NRXN1: variants seen among roughly 807,000 people sequenced by gnomAD.
The protein encoded by NRXN1 is neurexin 1.
A neutral mutation model predicts 150.9 loss-of-function variants in NRXN1; 39 were observed. The observed-to-expected ratio is 0.26, with a 90% CI of 0.20 to 0.34. The LOEUF (loss-of-function observed/expected upper bound fraction) is 0.34. NRXN1 is among the 10% of genes least tolerant of loss of function. The probability of loss-of-function intolerance (pLI) is 1.00; values close to 1 mark genes in which losing one functional copy is unlikely to be tolerated. For synonymous variants in NRXN1, 924 were observed against 757.0 expected, an observed-to-expected ratio of 1.22 and a Z score of -3.62; for missense variants, 1,815 against 1,949.9, an observed-to-expected ratio of 0.93 and a Z score of 1.30.
chr2:50,762,125 AC>A (rs1701872653), intron 5 of NRXN1, among the ~76,000 whole-genome samples: 1 of 6,778 alleles, frequency 1.5e-4, no homozygotes, highest in Non-Finnish European at 3.0e-4. Flanking sequence ...ATGTGTATAC[AC>A]ACACACACAC....
chr2:50,880,036 G>A (rs779770220), intron 5 of NRXN1, among the ~76,000 whole-genome samples: 4 of 151,910 alleles, frequency 2.6e-5, no homozygotes, highest in Admixed American at 6.6e-5. Flanking sequence ...ATGAATTCCA[G>A]GGATGTGCAG....
At chr2:50,578,915 T>A (rs2103618929) in intron 8 of NRXN1, among the ~76,000 whole-genome samples, 1 of 152,254 alleles carries the variant, frequency 6.6e-6, no homozygotes, top group East Asian at 1.9e-4. Flanking sequence ...CCCCTACAAC[T>A]TGCTCTCAAC....
intron 5 of NRXN1, among the ~76,000 whole-genome samples, chr2:50,707,511 T>C (rs1181902348): frequency 6.6e-6 from 1 of 152,184 alleles, no homozygotes; most frequent in African/African-American, 2.4e-5. Context: ...ACTTTCAGCT[T>C]TTTTGTGATA....
intron 5 of NRXN1, chr2:50,624,692 G>A (rs1680689715): frequency 6.6e-6 from 1 of 152,088 alleles, no homozygotes; most frequent in South Asian, 2.1e-4. Context: ...ATTCCCTGGT[G>A]TAGTTAAGCA....
intron 5 of NRXN1, among the ~76,000 whole-genome samples, chr2:50,746,562 C>CAAA (rs770068632): frequency 7.1e-5 from 2 of 28,038 alleles, no homozygotes; most frequent in Non-Finnish European, 2.1e-4. Context: ...TGTCTCAAAA[C>CAAA]AACAACAACA....
At chr2:50,338,665 T>C (rs1263834461) in intron 17 of NRXN1, among the ~76,000 whole-genome samples, 1 of 150,362 alleles carries the variant, frequency 6.7e-6, no homozygotes. Context: ...AAAAACCACA[T>C]ACTTCTTTCA....
Position 50,925,935 on chromosome 2 carries a change from C to A in NRXN1, c.790+3G>T. 6.4e-7 allele frequency: 1 copy of A among 1,572,390 alleles called. No individual in the cohort carries two copies. The highest frequency in any genetic ancestry group is 1.2e-5 in the South Asian group (1 of 85,458). On this transcript the variant is annotated splice_donor_region_variant and intron_variant, in intron 3 of 22. Transcript: ENST00000401669. The stretch of plus-strand genomic sequence containing the variant: ...TTGGAAAAATAAGGTAGAAAGCACC[C>A]ACCTTCCACATTGTTGTCTTCTGAA...
At chr2:50,052,632 T>C (rs1161095969) in intron 21 of NRXN1, among the ~76,000 whole-genome samples, 2 of 152,128 alleles carry the variant, frequency 1.3e-5, no homozygotes, top group South Asian at 2.1e-4. Context: ...AGGCACAAGA[T>C]TGAAATAAGC....
chr2:50,021,996 G>A (rs1277909380), intron 21 of NRXN1, among the ~76,000 whole-genome samples: 4 of 152,138 alleles, frequency 2.6e-5, no homozygotes, highest in African/African-American at 9.7e-5. Flanking sequence ...GACTACAGGT[G>A]TGTGCCACCA....
chr2:50,660,211 C>A (rs1325965162), intron 5 of NRXN1, among the ~76,000 whole-genome samples: 1 of 151,910 alleles, frequency 6.6e-6, no homozygotes, highest in African/African-American at 2.4e-5. Flanking sequence ...TTTCAACATC[C>A]CCATTTCACA....
chr2:50,364,976 G>C (rs951015073), intron 17 of NRXN1, among the ~76,000 whole-genome samples: 16 of 151,882 alleles, frequency 1.1e-4, no homozygotes, highest in East Asian at 3.9e-4. Context: ...ATGAAAAAAA[G>C]AAAAGAAAAA....
chr2:50,390,887 T>C lies in NRXN1; in HGVS notation c.3364+74555A>G, dbSNP rs1470998886. ...TCTGTTCTTTATAAATTATACAATC[T>C]GTGGTACTCTCTTATAGCAACACAA... is the stretch of plus-strand genomic sequence containing the variant. On this transcript the variant is annotated intron_variant, in intron 17 of 22. Transcript: ENST00000401669. Among the ~76,000 whole-genome samples, 5 of 152,110 alleles carry C rather than the reference T, an allele frequency of 3.3e-5. No individual in the cohort carries two copies. The East Asian group carries it at 7.7e-4, about 23-fold the overall frequency.
rs151097841 is a variant in NRXN1, at chr2:50,087,942, G to C, written c.3718+3381C>G. 2.8e-3 allele frequency among the ~76,000 whole-genome samples: 426 copies of C among 152,236 alleles called. 3 individuals are homozygous for C. Among genetic ancestry groups the C allele is most frequent in the African/African-American group, 9.7e-3 (403 of 41,554 alleles). On this transcript the variant is annotated intron_variant, in intron 19 of 22. Transcript: ENST00000401669. ...CACAAAGACCTATAATGGAGGTTAA[G>C]TGCTATACTAATTACTAATTTCAAT...
At chr2:50,042,461 G>T (rs1017208577) in intron 21 of NRXN1, among the ~76,000 whole-genome samples, 3 of 152,114 alleles carry the variant, frequency 2.0e-5, no homozygotes, top group African/African-American at 7.2e-5. Context: ...AGTTTCCTGA[G>T]GCCTCCCCAG....
At chr2:50,670,461 C>T (rs182612833) in intron 5 of NRXN1, among the ~76,000 whole-genome samples, 1 of 151,976 alleles carries the variant, frequency 6.6e-6, no homozygotes, top group African/African-American at 2.4e-5. Flanking sequence ...TACAGAAGAG[C>T]TGCAGTGTTA....
chr2:50,437,330 A>G (rs1214965574), intron 17 of NRXN1, among the ~76,000 whole-genome samples: 1 of 151,874 alleles, frequency 6.6e-6, no homozygotes, highest in African/African-American at 2.4e-5. Flanking sequence ...CTCTCTACCT[A>G]CCTCTACTGC....
At chr2:50,019,806 G>C (rs1439897670) in intron 21 of NRXN1, among the ~76,000 whole-genome samples, 2 of 150,316 alleles carry the variant, frequency 1.3e-5, no homozygotes, top group African/African-American at 4.9e-5. Context: ...AAATTAGCTG[G>C]GCATGGTGGC....
intron 8 of NRXN1, among the ~76,000 whole-genome samples, chr2:50,611,984 G>A (rs78065055): frequency 6.6e-5 from 10 of 152,064 alleles, no homozygotes; most frequent in Non-Finnish European, 1.5e-4. Flanking sequence ...TTCCCTAAAG[G>A]TTCCTACGAA....
At chr2:50,716,262 T>C (rs1574220266) in intron 5 of NRXN1, among the ~76,000 whole-genome samples, 2 of 152,132 alleles carry the variant, frequency 1.3e-5, no homozygotes, top group African/African-American at 4.8e-5. Flanking sequence ...GAGACTGATA[T>C]AAGACAACCC....
Sources: gnomAD v4.1 joint callset for allele counts (sites outside exome capture counted in the v4.1 genomes callset) on GRCh38, gnomAD v4.1.1 for gene constraint, MANE v1.5 for transcripts, NCBI Gene and HGNC (gene_info 2026-07-23, HGNC 2026-07-21) for gene names.